Variants in ADAMTSL3 observed in about 807,000 individuals in gnomAD.
ADAMTSL3 encodes ADAMTS like 3.
In ADAMTSL3, 128 loss-of-function variants were observed where a neutral mutation model predicts 201.7. The ratio of observed to expected loss-of-function variants is 0.63; its 90% CI spans 0.55 to 0.73. The LOEUF is 0.73. ADAMTSL3 is among the 30% of genes least tolerant of loss of function. The probability of loss-of-function intolerance (pLI) is 0.00; values close to 1 mark genes in which losing one functional copy is unlikely to be tolerated. For synonymous variants in ADAMTSL3, 738 were observed against 748.4 expected, an observed-to-expected ratio of 0.99 and a Z score of 0.23; for missense variants, 1,990 against 2,119.6, an observed-to-expected ratio of 0.94 and a Z score of 1.20.
intron 2 of ADAMTSL3, among the ~76,000 whole-genome samples, chr15:83,656,462 A>G (rs568726717): frequency 5.5e-4 from 84 of 152,372 alleles, no homozygotes; most frequent in African/African-American, 9.4e-4. Context: ...TCTCTACTCA[A>G]TTCCATCTGA....
At chr15:83,687,079 C>T (rs532924098) in intron 2 of ADAMTSL3, among the ~76,000 whole-genome samples, 31 of 152,124 alleles carry the variant, frequency 2.0e-4, no homozygotes, top group African/African-American at 7.5e-4. Context: ...AGTGGAGGTC[C>T]TGTTGTCCTG....
At chr15:83,889,070 A>G (rs1191017440) in intron 10 of ADAMTSL3, among the ~76,000 whole-genome samples, 2 of 152,240 alleles carry the variant, frequency 1.3e-5, no homozygotes, top group Admixed American at 1.3e-4. Flanking sequence ...TTGGAATCAG[A>G]TCTTTCAGGA....
At chr15:83,669,168 C>T (rs543001298) in intron 2 of ADAMTSL3, among the ~76,000 whole-genome samples, 29 of 152,170 alleles carry the variant, frequency 1.9e-4, no homozygotes, top group African/African-American at 5.3e-4. Flanking sequence ...TTTTTTTAGA[C>T]GGAGTCTCAC....
chr15:83,867,461 G>A (rs1294724766), intron 8 of ADAMTSL3, among the ~76,000 whole-genome samples: 1 of 152,142 alleles, frequency 6.6e-6, no homozygotes, highest in Non-Finnish European at 1.5e-5. Flanking sequence ...AGCATTAAAT[G>A]TGTTTAACTA....
intron 7 of ADAMTSL3, among the ~76,000 whole-genome samples, chr15:83,857,868 A>G (rs954018550): frequency 6.6e-6 from 1 of 152,226 alleles, no homozygotes; most frequent in Non-Finnish European, 1.5e-5. Flanking sequence ...CGTATCATTG[A>G]TAATGTTCTA....
chr15:83,983,233 T>C lies in ADAMTSL3; in HGVS notation c.3605T>C (p.Val1202Ala), dbSNP rs1184532387. 6.2e-7 allele frequency: 1 copy of C among 1,613,854 alleles called. No individual in the cohort carries two copies. The highest frequency in any genetic ancestry group is 8.5e-7 in the Non-Finnish European group (1 of 1,179,912). ...KTINSRIGNT[V>A]YITKRTEVIN... The stretch of plus-strand genomic sequence containing the variant: ...ATAAATTCCAGGATTGGAAATACAG[T>C]ATACATTACAAAAAGGACAGAGGTC... Residue 1202 changes from valine to alanine, a missense_variant, in exon 21 of 30, where the codon GTA (valine) becomes GCA (alanine). By Grantham distance (64) the Val-to-Ala change is moderately conservative. Coordinates refer to ENST00000286744, the MANE Select transcript of ADAMTSL3 (RefSeq NM_207517.3).
chr15:83,896,977 AACTC>A (rs1422245758), intron 13 of ADAMTSL3, among the ~76,000 whole-genome samples: 1 of 152,138 alleles, frequency 6.6e-6, no homozygotes, highest in Non-Finnish European at 1.5e-5. Context: ...ATCTTATGAG[AACTC>A]ACTCACTATC....
chr15:83,691,991 A>G (rs1412727400), intron 2 of ADAMTSL3, among the ~76,000 whole-genome samples: 1 of 152,240 alleles, frequency 6.6e-6, no homozygotes, highest in Non-Finnish European at 1.5e-5. Flanking sequence ...AAGTATTCAT[A>G]ATTCCATATA....
chr15:84,003,044 A>G (rs1161630919), intron 23 of ADAMTSL3, among the ~76,000 whole-genome samples: 1 of 149,830 alleles, frequency 6.7e-6, no homozygotes, highest in Non-Finnish European at 1.5e-5. Context: ...TGCAGCCTCA[A>G]ACTCCTGTGC....
chr15:83,989,747 A>G (rs1338072805), intron 22 of ADAMTSL3, among the ~76,000 whole-genome samples: 2 of 152,264 alleles, frequency 1.3e-5, no homozygotes, highest in African/African-American at 4.8e-5. Flanking sequence ...TCTGGCAACT[A>G]AATATCAAAA....
At chr15:83,937,980 A>C (rs777715296) in intron 17 of ADAMTSL3, among the ~76,000 whole-genome samples, 2 of 151,026 alleles carry the variant, frequency 1.3e-5, no homozygotes, top group Non-Finnish European at 2.9e-5. Context: ...GAAAACACAA[A>C]GTCATACCAA....
chr15:83,938,565 A>T (rs1465621671), intron 17 of ADAMTSL3, among the ~76,000 whole-genome samples: 2 of 152,094 alleles, frequency 1.3e-5, no homozygotes, highest in African/African-American at 4.8e-5. Flanking sequence ...AAGACATTTA[A>T]TTTTTTGTTA....
intron 2 of ADAMTSL3, among the ~76,000 whole-genome samples, chr15:83,678,456 G>A (rs1241630029): frequency 6.6e-6 from 1 of 151,434 alleles, no homozygotes; most frequent in Non-Finnish European, 1.5e-5. Context: ...AACACGTTGT[G>A]CTACTGCCTT....
chr15:83,820,564 G>A (rs899258360), intron 6 of ADAMTSL3, among the ~76,000 whole-genome samples: 1 of 152,210 alleles, frequency 6.6e-6, no homozygotes, highest in Non-Finnish European at 1.5e-5. Context: ...TACACTTTGA[G>A]AACCGCTGTT....
chr15:84,036,246 A>G (rs889632482), intron 28 of ADAMTSL3, among the ~76,000 whole-genome samples: 2 of 152,198 alleles, frequency 1.3e-5, no homozygotes, highest in Non-Finnish European at 2.9e-5. Context: ...TTATTCTCAT[A>G]TGGTCTTCAG....
chr15:83,833,393 AT>A (rs1167961761), intron 6 of ADAMTSL3, among the ~76,000 whole-genome samples: 3 of 152,024 alleles, frequency 2.0e-5, no homozygotes, highest in Non-Finnish European at 4.4e-5. Context: ...TATCCAGGGT[AT>A]TTTTTATAAG....
intron 13 of ADAMTSL3, among the ~76,000 whole-genome samples, chr15:83,894,572 T>C (rs1461841291): frequency 6.6e-6 from 1 of 152,196 alleles, no homozygotes; most frequent in Non-Finnish European, 1.5e-5. Flanking sequence ...CTTTAACAAT[T>C]TGGATGTTGA....
chr15:83,673,571 T>C (rs1028767838), intron 2 of ADAMTSL3, among the ~76,000 whole-genome samples: 9 of 152,210 alleles, frequency 5.9e-5, no homozygotes, highest in African/African-American at 1.4e-4. Flanking sequence ...AGATGCTTCA[T>C]TGGCCAGCCC....
At chr15:83,918,134 T>G (rs1355635453) in intron 16 of ADAMTSL3, among the ~76,000 whole-genome samples, 1 of 152,264 alleles carries the variant, frequency 6.6e-6, no homozygotes, top group Non-Finnish European at 1.5e-5. Flanking sequence ...AATAGTTATT[T>G]AAGTTTCACA....
Sources: allele counts gnomAD v4.1 joint callset (sites outside exome capture counted in the v4.1 genomes callset), GRCh38; gene constraint gnomAD v4.1.1; transcripts MANE v1.5; gene names NCBI Gene and HGNC (gene_info 2026-07-23, HGNC 2026-07-21).